The following UBE3B variants were observed in gnomAD, a reference collection of about 807,000 sequenced individuals.
UBE3B encodes the protein ubiquitin-protein ligase E3B.
UBE3B carries 80 observed loss-of-function variants against 132.3 expected under a neutral mutation model. The observed-to-expected ratio is 0.60, with a 90% CI of 0.50 to 0.73. UBE3B has a LOEUF of 0.73. Ranked by LOEUF, UBE3B falls within the 30% of genes least tolerant of loss-of-function variation. UBE3B has a pLI of 0.00. For missense variants in UBE3B, 1,196 were observed against 1,362.5 expected, an observed-to-expected ratio of 0.88 and a Z score of 1.92; for synonymous variants, 487 against 520.4, an observed-to-expected ratio of 0.94 and a Z score of 0.87.
At position 109,507,553 on chromosome 12, in the gene UBE3B, G is replaced by T. The variant is rs769047912; in HGVS notation, c.1451-11G>T. 8.7e-6 allele frequency: 14 copies of T among 1,609,074 alleles called. No homozygotes were observed. The highest frequency in any genetic ancestry group is 1.2e-5 in the Non-Finnish European group (14 of 1,177,444). On this transcript the variant is annotated splice_polypyrimidine_tract_variant and intron_variant, in intron 14 of 27. Transcript: ENST00000342494. ...CCACCTGAAGCTTGGGTTTCTCTGTGTTTTTTCCAGGTCTCACTTACCTTG... is the reference window on the plus strand; with the variant it reads ...CCACCTGAAGCTTGGGTTTCTCTGTTTTTTTTCCAGGTCTCACTTACCTTG...
In UBE3B at chr12:109,503,062, G is replaced by C. The variant is rs756267187; in HGVS notation, c.1322G>C (p.Arg441Pro). The change falls in exon 14 of 28, where the codon CGG (arginine) becomes CCG (proline). Residue 441 changes from arginine to proline, a missense_variant. Physicochemically the swap from Arg to Pro is moderately radical, Grantham distance 103. Coordinates refer to ENST00000342494, the MANE Select transcript of UBE3B (RefSeq NM_130466.4). The stretch of plus-strand genomic sequence containing the variant: ...GCTTTTCAAAAGTCGGCATCAGTCC[G>C]GAATATTCTCAGGCCTGTCGGGGGT... ...KRAFQKSASV[R>P]NILRPVGGKR... The C allele has an allele frequency of 2.5e-6, 4 of 1,614,148 alleles. No individual in the cohort carries two copies. In the South Asian group the frequency reaches 4.4e-5, roughly 18 times the overall value.
rs1042547267 is a variant in UBE3B at position 109,485,882 on chromosome 12, C to T, written c.283-130C>T. 6 of 938,832 alleles carry T rather than the reference C, an allele frequency of 6.4e-6. No homozygotes were observed. In the Admixed American group the frequency reaches 1.4e-4, roughly 22 times the overall value. 58.2% of individuals were successfully genotyped at this position (938,832 alleles called of 1,614,324 possible). A position where few individuals can be genotyped will look rare whatever the true frequency, so the allele number is the denominator to read the frequency against. On this transcript the variant is annotated intron_variant, in intron 4 of 27. Coordinates refer to ENST00000342494, the MANE Select transcript of UBE3B (RefSeq NM_130466.4). ...TGTCCTCATCTGTAGGAAGGAACTG[C>T]ATGTGATTATGTGTGAATCACCTGG...
chr12:109,515,090 T>C (rs1479737929), intron 18 of UBE3B, among the ~76,000 whole-genome samples: 1 of 151,578 alleles, frequency 6.6e-6, no homozygotes, highest in Non-Finnish European at 1.5e-5. Flanking sequence ...ATTTTTTGTA[T>C]TTTTAGTGGA....
chr12:109,492,684 A>T (rs1233209156), intron 9 of UBE3B: 1 of 151,704 alleles, frequency 6.6e-6, no homozygotes, highest in East Asian at 1.9e-4. Flanking sequence ...TCAAGGCTGC[A>T]GCGAGCCGTG....
chr12:109,485,214 T>G (rs999421919), intron 4 of UBE3B, among the ~76,000 whole-genome samples: 5 of 152,248 alleles, frequency 3.3e-5, no homozygotes, highest in African/African-American at 1.2e-4. Flanking sequence ...ACAATGCCAC[T>G]GAGGCATGTC....
rs948080160 is a variant in UBE3B, at chr12:109,535,800, C to G, written c.*1018C>G. The G allele has an allele frequency of 1.3e-5, 2 of 152,204 alleles. No individual in the cohort carries two copies. The highest frequency in any genetic ancestry group is 2.9e-5 in the Non-Finnish European group (2 of 68,042). The allele number at this position is 152,204 out of a possible 1,614,324, so 9.4% of individuals were successfully genotyped here. Reference sequence around the variant, plus strand: ...CGTTGCACTGACAGAGGCTCACACCCTCTGGGTTTTTTGTTTTTTTTTTAA... The same window carrying G: ...CGTTGCACTGACAGAGGCTCACACCGTCTGGGTTTTTTGTTTTTTTTTTAA... On this transcript the variant is annotated 3_prime_UTR_variant, in exon 28 of 28. Coordinates refer to ENST00000342494, the MANE Select transcript of UBE3B (RefSeq NM_130466.4).
At position 109,536,523 on chromosome 12, in the gene UBE3B, C is replaced by T. The variant is rs540360927; in HGVS notation, c.*1741C>T. ...GGTAGTTTGTAATTTCATTTAAATT[C>T]TTTTCAGCAGCTGGAAATATTGCAC... On this transcript the variant is annotated 3_prime_UTR_variant, in exon 28 of 28. Coordinates refer to ENST00000342494, the MANE Select transcript of UBE3B (RefSeq NM_130466.4). The T allele has an allele frequency of 2.0e-5, 3 of 152,164 alleles. No individual in the cohort carries two copies. Among genetic ancestry groups the T allele is most frequent in the Non-Finnish European group, 4.4e-5 (3 of 68,036 alleles). The allele number at this position is 152,164 out of a possible 1,614,324, so 9.4% of individuals were successfully genotyped here.
At position 109,536,045 on chromosome 12, in the gene UBE3B, C is replaced by T. The variant is rs1254091945; in HGVS notation, c.*1263C>T. The T allele has an allele frequency of 2.0e-5, 3 of 152,220 alleles. No homozygotes were observed. The highest frequency in any genetic ancestry group is 7.2e-5 in the African/African-American group (3 of 41,414). 9.4% of individuals were successfully genotyped at this position (152,220 alleles called of 1,614,324 possible). A position where few individuals can be genotyped will look rare whatever the true frequency, so the allele number is the denominator to read the frequency against. ...GTCCCTCCTCTGCTCTCCTCAAAGACGCAAAACATTTTCCAACAAGAGCTG... is the reference window on the plus strand; with the variant it reads ...GTCCCTCCTCTGCTCTCCTCAAAGATGCAAAACATTTTCCAACAAGAGCTG... On this transcript the variant is annotated 3_prime_UTR_variant, in exon 28 of 28. Transcript: ENST00000342494.
chr12:109,545,566 GT>G, the UBE3B span, among the ~76,000 whole-genome samples: 1 of 152,218 alleles, frequency 6.6e-6, no homozygotes, highest in African/African-American at 2.4e-5. Flanking sequence ...CCCAGAGTCA[GT>G]TAAGTGGCAG....
At chr12:109,506,394 G>A (rs1309945659) in intron 14 of UBE3B, among the ~76,000 whole-genome samples, 4 of 152,200 alleles carry the variant, frequency 2.6e-5, no homozygotes, top group African/African-American at 7.2e-5. Context: ...TGTCGCCCAG[G>A]CTAGAGTGCA....
At chr12:109,533,994 G>A (rs1883220468) in intron 27 of UBE3B, 5 of 1,297,354 alleles carry the variant, frequency 3.9e-6, no homozygotes, top group Admixed American at 2.3e-5. Flanking sequence ...TTGGCCAAAG[G>A]AGAAGGAAAG....
chr12:109,527,693 G>A (rs947857604), intron 24 of UBE3B, among the ~76,000 whole-genome samples: 1 of 152,146 alleles, frequency 6.6e-6, no homozygotes, highest in African/African-American at 2.4e-5. Flanking sequence ...GTGCAGATTG[G>A]GAGGGACTGC....
chr12:109,491,215 T>TA (rs1877416722), intron 9 of UBE3B, 88 bp downstream of exon 9: 1 of 1,248,818 alleles, frequency 8.0e-7, no homozygotes, highest in Non-Finnish European at 1.1e-6. Context: ...TGGTATTAGG[T>TA]ATAGACTTGC....
intron 24 of UBE3B, 44 bp downstream of exon 24, chr12:109,526,460 C>T: frequency 1.3e-6 from 2 of 1,580,400 alleles, no homozygotes. Context: ...CTTGAAAAGA[C>T]TTCATTCTGG....
chr12:109,502,982 G>A (rs1240266550), intron 13 of UBE3B, 41 bp from the exon 14 acceptor site: 1 of 1,612,948 alleles, frequency 6.2e-7, no homozygotes, highest in Admixed American at 1.7e-5. Context: ...TTTGGCAGCT[G>A]GCTGAGCTGC....
the UBE3B span, among the ~76,000 whole-genome samples, chr12:109,547,421 C>G: frequency 4.6e-5 from 7 of 152,266 alleles, no homozygotes; most frequent in Non-Finnish European, 5.9e-5. This position sits in a 1 kb window ranked among gnomAD's most constrained non-coding sequence, Gnocchi z 4.1. Context: ...CCTGAGAACT[C>G]GATCACGTCC....
chr12:109,515,313 C>T (rs1403818616), intron 18 of UBE3B, among the ~76,000 whole-genome samples: 1 of 152,130 alleles, frequency 6.6e-6, no homozygotes, highest in Non-Finnish European at 1.5e-5. Flanking sequence ...AATATACTAG[C>T]ACCCACTGGT....
intron 2 of UBE3B, among the ~76,000 whole-genome samples, 161 bp downstream of exon 2, chr12:109,481,903 T>C (rs1875519344): frequency 6.6e-6 from 1 of 152,204 alleles, no homozygotes; most frequent in Non-Finnish European, 1.5e-5. Context: ...ACCAACCTAA[T>C]ACCTTCCCTC....
chr12:109,503,358 C>T (rs1016010348), intron 14 of UBE3B, among the ~76,000 whole-genome samples, 168 bp downstream of exon 14: 3 of 152,106 alleles, frequency 2.0e-5, no homozygotes, highest in African/African-American at 7.2e-5. Flanking sequence ...TTACATTGCT[C>T]ATGCTCACCT....
Sources: gnomAD v4.1 joint callset for allele counts (sites outside exome capture counted in the v4.1 genomes callset) on GRCh38, gnomAD v4.1.1 for gene constraint, Gnocchi (gnomAD v3.1) non-coding constraint, MANE v1.5 for transcripts, NCBI Gene and HGNC (gene_info 2026-07-23, HGNC 2026-07-21) for gene names.